Variants in CTC1 observed in about 807,000 individuals in gnomAD.
CTC1 encodes the protein CST telomere replication complex component 1, also known as CST complex subunit CTC1.
CTC1 carries 91 observed loss-of-function variants against 136.3 expected under a neutral mutation model. The observed-to-expected ratio is 0.67, with a 90% CI of 0.56 to 0.79. The LOEUF (loss-of-function observed/expected upper bound fraction) is 0.79, where lower values mean the gene tolerates loss of function less well. Ranked by LOEUF, CTC1 falls within the 30% of genes least tolerant of loss-of-function variation. The pLI is 0.00. For synonymous variants in CTC1, 606 were observed against 613.8 expected (o/e 0.99, Z 0.19); for missense variants, 1,432 against 1,498.1 (o/e 0.96, Z 0.73).
At chr17:8,241,806 T>C (rs952099840) in intron 2 of CTC1, among the ~76,000 whole-genome samples, 1 of 128,072 alleles carries the variant, frequency 7.8e-6, no homozygotes, top group African/African-American at 3.0e-5. Context: ...GCCATGTTTA[T>C]ACCACTGCAC....
intron 2 of CTC1, among the ~76,000 whole-genome samples, chr17:8,241,473 G>T (rs941577019): frequency 2.0e-5 from 3 of 151,550 alleles, no homozygotes; most frequent in Non-Finnish European, 4.4e-5. Flanking sequence ...ACAAAAATTA[G>T]CTGGTGTGGT....
Position 8,228,979 on chromosome 17 carries a change from T to G in CTC1, c.3222-87A>C. 7 of 1,508,448 alleles carry G rather than the reference T, an allele frequency of 4.6e-6. No homozygotes were observed. In the East Asian group the frequency reaches 1.4e-4, roughly 29 times the overall value. The allele number at this position is 1,508,448 out of a possible 1,614,324, so 93.4% of individuals were successfully genotyped here. ...CCAACATGCCTCCCTCCCCGCTGTC[T>G]GCAGTCTTTGGCTCACAGATTTAGG... is the stretch of plus-strand genomic sequence containing the variant. On this transcript the variant is annotated intron_variant, in intron 20 of 22. Transcript: ENST00000651323.
rs199473675 is a variant in CTC1 at position 8,236,076 on chromosome 17, AG to A, written c.1058del (p.Ser353LeufsTer14). The A allele has an allele frequency of 9.9e-6, 16 of 1,613,842 alleles. No individual in the cohort carries two copies. ...TGCTCACCGAATAGGATAGGAGTCT[AG>A]AATACCGGACAAGACTTTCTGGATC... ...KKDPESLVRY[S>X]RLLSYSGAVT... On this transcript the variant is annotated frameshift_variant, in exon 6 of 23. Transcript: ENST00000651323. LOFTEE classifies it high-confidence loss of function.
intron 17 of CTC1, 37 bp from the exon 18 acceptor site, chr17:8,230,005 A>G (rs1987074000): frequency 6.3e-7 from 1 of 1,599,722 alleles, no homozygotes; most frequent in South Asian, 1.1e-5. Flanking sequence ...GACCAGGAAG[A>G]CAAGGCAAAT....
chr17:8,245,089 A>G (rs182134424), intron 1 of CTC1, among the ~76,000 whole-genome samples: 1 of 152,264 alleles, frequency 6.6e-6, no homozygotes, highest in Admixed American at 6.6e-5. Context: ...TATAAGTGGG[A>G]GCTAAATAAC....
chr17:8,238,740 G>A, intron 2 of CTC1, 111 bp from the exon 3 acceptor site: 1 of 751,356 alleles, frequency 1.3e-6, no homozygotes, highest in South Asian at 1.8e-5. Flanking sequence ...AGGGAACATG[G>A]ACTAAGAGGT....
At position 8,226,176 on chromosome 17, in the gene CTC1, AAAC is replaced by A. The variant is rs1986621999; in HGVS notation, c.*2001_*2003del. 6.6e-6 allele frequency: 1 copy of A among 152,206 alleles called. No homozygotes were observed. Among genetic ancestry groups the A allele is most frequent in the African/African-American group, 2.4e-5 (1 of 41,446 alleles). 9.4% of individuals were successfully genotyped at this position (152,206 alleles called of 1,614,324 possible). On this transcript the variant is annotated 3_prime_UTR_variant, in exon 23 of 23. Coordinates refer to ENST00000651323, the MANE Select transcript of CTC1 (RefSeq NM_025099.6). ...GAAACTCTTACGCGTTCTGATATAA[AAAC>A]AATACATGAAAGGATGTGGATTTAG...
chr17:8,237,289 A>T, intron 5 of CTC1, 86 bp downstream of exon 5: 1 of 1,485,452 alleles, frequency 6.7e-7, no homozygotes, highest in Non-Finnish European at 9.4e-7. Context: ...CCTTTCCTAC[A>T]TGGCTCCTCC....
At position 8,236,129 on chromosome 17, in the gene CTC1, T is replaced by C; in HGVS notation, c.1006A>G (p.Met336Val). The C allele has an allele frequency of 6.2e-7, 1 of 1,614,224 alleles. No homozygotes were observed. ...LLEADPKPLP[M>V]PSNSEDKKDP... ...TTCTTGTCCTCCGAGTTGCTGGGCATGGGGAGTGGCTTGGGGTCAGCCTCT... is the reference window on the plus strand; with the variant it reads ...TTCTTGTCCTCCGAGTTGCTGGGCACGGGGAGTGGCTTGGGGTCAGCCTCT... Residue 336 changes from methionine to valine, a missense_variant, in exon 6 of 23, where the codon ATG becomes GTG. Physicochemically the swap from Met to Val is conservative, Grantham distance 21. Coordinates refer to ENST00000651323, the MANE Select transcript of CTC1 (RefSeq NM_025099.6).
At chr17:8,236,414 C>G (rs776332969) in intron 5 of CTC1, 72 bp from the exon 6 acceptor site, 84 of 1,499,402 alleles carry the variant, frequency 5.6e-5, no homozygotes, top group Non-Finnish European at 7.2e-5. Context: ...GTCCTTTTCC[C>G]TCACGATTTG....
chr17:8,242,093 G>A lies in CTC1; in HGVS notation c.197+892C>T, dbSNP rs538535911. ...TTGCCCAGCTAGAGTGCAATGGTGCGATCTTGGCTCACTGCAACCTCCGCC... is the reference window on the plus strand; with the variant it reads ...TTGCCCAGCTAGAGTGCAATGGTGCAATCTTGGCTCACTGCAACCTCCGCC... On this transcript the variant is annotated intron_variant, in intron 2 of 22. Coordinates refer to ENST00000651323, the MANE Select transcript of CTC1 (RefSeq NM_025099.6). 1.3e-4 allele frequency among the ~76,000 whole-genome samples: 20 copies of A among 151,666 alleles called. No individual in the cohort carries two copies. The Middle Eastern group carries it at 0.01, about 78-fold the overall frequency.
At chr17:8,235,756 C>A in intron 7 of CTC1, 75 bp downstream of exon 7, 1 of 1,471,800 alleles carries the variant, frequency 6.8e-7, no homozygotes, top group Middle Eastern at 1.9e-4. Flanking sequence ...AACCACCCTG[C>A]TGCAGAAAAG....
chr17:8,228,301 C>G lies in CTC1; in HGVS notation c.3533G>C (p.Arg1178Pro), dbSNP rs764813118. The stretch of plus-strand genomic sequence containing the variant: ...GAAAGGGAGCTCTCCACACTGGAAT[C>G]GCTGTAGCCGAGGAGGTTCTGAGGT... ...IVPLEPPRLQ[R>P]FQCGELPFLT... The change falls in exon 23 of 23, where the codon CGA becomes CCA. Residue 1178 changes from arginine to proline, a missense_variant. Physicochemically the swap from Arg to Pro is moderately radical, Grantham distance 103. Transcript: ENST00000651323. 19 of 1,613,978 alleles carry G rather than the reference C, an allele frequency of 1.2e-5. 1 individual carries two copies. Among genetic ancestry groups the G allele is most frequent in the Non-Finnish European group, 8.5e-7 (1 of 1,180,006 alleles).
At chr17:8,239,089 CAAAAAAAAAA>C (rs778191636) in intron 2 of CTC1, among the ~76,000 whole-genome samples, 3 of 48,766 alleles carry the variant, frequency 6.2e-5, no homozygotes, top group Non-Finnish European at 1.4e-4. Flanking sequence ...GAGACTGTCT[CAAAAAAAAAA>C]AAAAAAAAAA....
At chr17:8,242,549 A>ATAT (rs1232717186) in intron 2 of CTC1, among the ~76,000 whole-genome samples, 107 of 77,598 alleles carry the variant, frequency 1.4e-3, no homozygotes, top group African/African-American at 4.3e-3. Flanking sequence ...AAAAAAAAAA[A>ATAT]AAAAATATAT....
chr17:8,247,659 T>C (rs189255371), intron 1 of CTC1: 2 of 237,934 alleles, frequency 8.4e-6, no homozygotes, highest in East Asian at 2.0e-4. Context: ...CAGACGCTTT[T>C]ACTTATTATG....
Position 8,237,426 on chromosome 17 carries a change from C to G in CTC1, c.741G>C (p.Leu247=). The change falls in exon 5 of 23, where the codon CTG becomes CTC. Residue 247 remains leucine, a synonymous_variant. Transcript: ENST00000651323. ...VKSKQKAYFI[L]SLGRSHPAVT... Reference sequence around the variant, plus strand: ...CAGCTGGGTGTGATCTACCAAGAGACAGGATGAAGTAAGCTTTCTGTTTAC... The same window carrying G: ...CAGCTGGGTGTGATCTACCAAGAGAGAGGATGAAGTAAGCTTTCTGTTTAC... 1.2e-6 allele frequency: 2 copies of G among 1,614,006 alleles called. No homozygotes were observed. The highest frequency in any genetic ancestry group is 1.7e-6 in the Non-Finnish European group (2 of 1,180,008).
chr17:8,239,133 A>T (rs376665002), intron 2 of CTC1, among the ~76,000 whole-genome samples: 39 of 151,062 alleles, frequency 2.6e-4, no homozygotes, highest in African/African-American at 9.0e-4. Context: ...TAAGGATGGG[A>T]TCTGAGTCCA....
chr17:8,244,807 G>A (rs925745074), intron 1 of CTC1, among the ~76,000 whole-genome samples: 3 of 152,118 alleles, frequency 2.0e-5, no homozygotes, highest in Non-Finnish European at 2.9e-5. Context: ...GATTACACAC[G>A]TGAGCCACCA....
Sources: gnomAD v4.1 joint callset for allele counts (sites outside exome capture counted in the v4.1 genomes callset) on GRCh38, gnomAD v4.1.1 for gene constraint, MANE v1.5 for transcripts, NCBI Gene and HGNC (gene_info 2026-07-23, HGNC 2026-07-21) for gene names.